ZNF761: variants seen among roughly 807,000 people sequenced by gnomAD.
ZNF761 encodes the protein zinc finger protein 761.
ZNF761 carries 43 observed loss-of-function variants against 59.9 expected under a neutral mutation model. The ratio of observed to expected loss-of-function variants is 0.72; its 90% confidence interval spans 0.56 to 0.92. The LOEUF (loss-of-function observed/expected upper bound fraction) is 0.92. Ranked by LOEUF, ZNF761 falls within the 40% of genes least tolerant of loss-of-function variation. The pLI, the probability that ZNF761 is intolerant of heterozygous loss-of-function variation, is 0.00. For missense variants in ZNF761, 850 were observed against 906.1 expected, an observed-to-expected ratio of 0.94 and a Z score of 0.79; for synonymous variants, 294 against 304.8, an observed-to-expected ratio of 0.96 and a Z score of 0.37.
intron 1 of ZNF761, among the ~76,000 whole-genome samples, chr19:53,437,361 G>A (rs962081875): frequency 6.6e-6 from 1 of 151,770 alleles, no homozygotes; most frequent in Non-Finnish European, 1.5e-5. Flanking sequence ...CGTTGCTAAT[G>A]CTGTTTTTCT....
intron 1 of ZNF761, among the ~76,000 whole-genome samples, chr19:53,440,783 C>T (rs1404514362): frequency 6.6e-6 from 1 of 152,174 alleles, no homozygotes; most frequent in African/African-American, 2.4e-5. Context: ...TCAAACCATC[C>T]TCCTACCTCA....
In ZNF761 at chr19:53,438,407, C is replaced by T. The variant is rs114897261; in HGVS notation, c.-185+6379C>T. ...TTGGGATAAATATGCCACTGGGTGA[C>T]GCCATGATCCTATAAGTTGAGTCAG... On this transcript the variant is annotated intron_variant, in intron 1 of 4. Coordinates refer to ENST00000684525, the MANE Select transcript of ZNF761 (RefSeq NM_001289951.2). 6.4e-3 allele frequency among the ~76,000 whole-genome samples: 969 copies of T among 152,334 alleles called. 8 individuals carry two copies. The highest frequency in any genetic ancestry group is 0.022 in the African/African-American group (930 of 41,554).
chr19:53,438,306 C>A (rs549342145), intron 1 of ZNF761, among the ~76,000 whole-genome samples: 5 of 152,334 alleles, frequency 3.3e-5, no homozygotes, highest in Admixed American at 2.6e-4. Context: ...AATTTGCTAG[C>A]TTCTTGTGTT....
rs2086285910 is a variant in ZNF761, at chr19:53,457,908, T to A, written c.*1160T>A. ...TAAATCACATTGGGTTATTATATAA[T>A]CATTTCACAATATTAATTTTTCCAA... is the stretch of plus-strand genomic sequence containing the variant. On this transcript the variant is annotated 3_prime_UTR_variant, in exon 5 of 5. Transcript: ENST00000684525. The A allele has an allele frequency of 6.6e-6, 1 of 152,550 alleles. No homozygotes were observed. Among genetic ancestry groups the A allele is most frequent in the African/African-American group, 2.4e-5 (1 of 41,460 alleles). The allele number at this position is 152,550 out of a possible 1,614,324, so 9.4% of individuals were successfully genotyped here.
chr19:53,433,533 T>C (rs944247700), intron 1 of ZNF761, among the ~76,000 whole-genome samples: 1 of 151,934 alleles, frequency 6.6e-6, no homozygotes, highest in African/African-American at 2.4e-5. Flanking sequence ...CTGTTACTTT[T>C]CTTGGAGTGA....
Position 53,457,727 on chromosome 19 carries a change from C to T in ZNF761, c.*979C>T, listed in dbSNP as rs559567159. 1.4e-4 allele frequency: 24 copies of T among 172,330 alleles called. No individual in the cohort carries two copies. The highest frequency in any genetic ancestry group is 2.9e-4 in the Non-Finnish European group (22 of 75,174). The allele number at this position is 172,330 out of a possible 1,614,324, so 10.7% of individuals were successfully genotyped here. On this transcript the variant is annotated 3_prime_UTR_variant, in exon 5 of 5. Coordinates refer to ENST00000684525, the MANE Select transcript of ZNF761 (RefSeq NM_001289951.2). The stretch of plus-strand genomic sequence containing the variant: ...TTGGGCCAGGCACATCAGCTTACAC[C>T]TGTAATCTGAGCGCTTTGGGAGGCC...
Position 53,454,116 on chromosome 19 carries a change from T to G in ZNF761, c.143-534T>G, listed in dbSNP as rs556375981. ...AGCCTCCCGAGTAGCTGGGACTAGA[T>G]GTGGGCCACCACGCCTGGCTACATT... is the stretch of plus-strand genomic sequence containing the variant. On this transcript the variant is annotated intron_variant, in intron 4 of 4. Coordinates refer to ENST00000684525, the MANE Select transcript of ZNF761 (RefSeq NM_001289951.2). Among the ~76,000 whole-genome samples the G allele has an allele frequency of 2.0e-3, 299 of 152,240 alleles. 3 individuals carry two copies. Among genetic ancestry groups the G allele is most frequent in the Non-Finnish European group, 3.6e-3 (245 of 68,012 alleles).
At chr19:53,447,305 A>C (rs1229478851) in intron 3 of ZNF761, 22 bp downstream of exon 3, 4 of 1,612,616 alleles carry the variant, frequency 2.5e-6, no homozygotes, top group Non-Finnish European at 3.4e-6. Context: ...TTTTCAGTGG[A>C]TTGTTCTGTC....
chr19:53,456,836 A>G lies in ZNF761; in HGVS notation c.*88A>G, dbSNP rs1324380129. On this transcript the variant is annotated 3_prime_UTR_variant, in exon 5 of 5. Coordinates refer to ENST00000684525, the MANE Select transcript of ZNF761 (RefSeq NM_001289951.2). ...GGGAGAAACCTTAGAAATGTGAAGCATGTGATAAAGTTTACAGTGGCAAAT... is the reference window on the plus strand; with the variant it reads ...GGGAGAAACCTTAGAAATGTGAAGCGTGTGATAAAGTTTACAGTGGCAAAT... 2 of 1,445,750 alleles carry G rather than the reference A, an allele frequency of 1.4e-6. No homozygotes were observed. The highest frequency in any genetic ancestry group is 3.6e-5 in the Admixed American group (2 of 55,460). The allele number at this position is 1,445,750 out of a possible 1,614,324, so 89.6% of individuals were successfully genotyped here.
chr19:53,449,189 T>A (rs1375658979), intron 3 of ZNF761, among the ~76,000 whole-genome samples: 2 of 151,966 alleles, frequency 1.3e-5, no homozygotes, highest in African/African-American at 4.8e-5. Flanking sequence ...AATTAACTGG[T>A]TGTGGTGGCA....
Position 53,449,339 on chromosome 19 carries a change from A to C in ZNF761, c.16-173A>C, listed in dbSNP as rs577366545. On this transcript the variant is annotated intron_variant, in intron 3 of 4. Coordinates refer to ENST00000684525, the MANE Select transcript of ZNF761 (RefSeq NM_001289951.2). Reference sequence around the variant, plus strand: ...ACTGAGACTCCACCTCAAAAAAAAAAAATTTTAGTAAAACACAACTGGGAA... The same window carrying C: ...ACTGAGACTCCACCTCAAAAAAAAACAATTTTAGTAAAACACAACTGGGAA... Among the ~76,000 whole-genome samples the C allele has an allele frequency of 2.0e-5, 3 of 152,224 alleles. No individual in the cohort carries two copies. In the East Asian group the frequency reaches 5.8e-4, roughly 29 times the overall value.
In ZNF761 at chr19:53,455,050, T is replaced by G. The variant is rs576167340; in HGVS notation, c.543T>G (p.Ser181=). ...ASLVSTAQRI[S]CRPKTHISNN... ...TGGTTTCAACAGCCCAAAGAATTTC[T>G]TGTAGGCCCAAAACCCATATATCTA... Residue 181 remains serine, a synonymous_variant, in exon 5 of 5, where the codon TCT becomes TCG. Transcript: ENST00000684525. The G allele has an allele frequency of 6.2e-7, 1 of 1,614,192 alleles. No individual in the cohort carries two copies.
At chr19:53,441,111 G>A (rs1026726284) in intron 1 of ZNF761, among the ~76,000 whole-genome samples, 4 of 152,118 alleles carry the variant, frequency 2.6e-5, no homozygotes, top group Admixed American at 2.6e-4. Flanking sequence ...GTGAAACCTG[G>A]TCTCTGCTAA....
chr19:53,449,850 G>A, intron 4 of ZNF761: 1 of 1,205,712 alleles, frequency 8.3e-7, no homozygotes, highest in Non-Finnish European at 1.1e-6. Flanking sequence ...CCATGTTTGG[G>A]CAAATTTTTT....
At chr19:53,433,842 T>C (rs1280990784) in intron 1 of ZNF761, among the ~76,000 whole-genome samples, 2 of 152,094 alleles carry the variant, frequency 1.3e-5, no homozygotes, top group African/African-American at 2.4e-5. Flanking sequence ...AAAACCAGCC[T>C]CTAAAGACGG....
In ZNF761 at chr19:53,454,769, C is replaced by G. The variant is rs1320736489; in HGVS notation, c.262C>G (p.Gln88Glu). Residue 88 changes from glutamine to glutamate, a missense_variant, in exon 5 of 5, where the codon CAG becomes GAG. Transcript: ENST00000684525. ...ESHHNGDFCY[Q>E]DVDKDIHDYE... ...TCATCACAATGGAGATTTTTGCTACCAGGATGTTGATAAAGATATTCATGA... is the reference window on the plus strand; with the variant it reads ...TCATCACAATGGAGATTTTTGCTACGAGGATGTTGATAAAGATATTCATGA... The G allele has an allele frequency of 1.2e-6, 2 of 1,613,834 alleles. No individual in the cohort carries two copies. Among genetic ancestry groups the G allele is most frequent in the Non-Finnish European group, 1.7e-6 (2 of 1,180,004 alleles).
At chr19:53,454,586 C>G in intron 4 of ZNF761, 64 bp from the exon 5 acceptor site, 1 of 1,466,860 alleles carries the variant, frequency 6.8e-7, no homozygotes. Context: ...GTCGTATTTA[C>G]ACATTTCAGC....
chr19:53,435,034 C>T (rs745469038), intron 1 of ZNF761, among the ~76,000 whole-genome samples: 20 of 151,924 alleles, frequency 1.3e-4, no homozygotes, highest in Non-Finnish European at 2.5e-4. Context: ...ACCTGCAGTC[C>T]GCATGGGTAA....
At position 53,458,118 on chromosome 19, in the gene ZNF761, A is replaced by T. The variant is rs1350973368; in HGVS notation, c.*1370A>T. The T allele has an allele frequency of 6.6e-6, 1 of 152,340 alleles. No homozygotes were observed. Among genetic ancestry groups the T allele is most frequent in the Non-Finnish European group, 1.5e-5 (1 of 68,108 alleles). 9.4% of individuals were successfully genotyped at this position (152,340 alleles called of 1,614,324 possible). ...ATTGTTAAAGTATGGAAATTCAACT[A>T]ATTTTTGGTGCTGATACTGTATTGT... On this transcript the variant is annotated 3_prime_UTR_variant, in exon 5 of 5. Transcript: ENST00000684525.
Sources: allele counts gnomAD v4.1 joint callset (sites outside exome capture counted in the v4.1 genomes callset), GRCh38; gene constraint gnomAD v4.1.1; transcripts MANE v1.5; gene names NCBI Gene and HGNC (gene_info 2026-07-23, HGNC 2026-07-21).